Variants in THSD4 observed in about 807,000 individuals in gnomAD.
THSD4 encodes thrombospondin type-1 domain-containing protein 4.
In THSD4, 69 loss-of-function variants were observed where a neutral mutation model predicts 119.0. The ratio of observed to expected loss-of-function variants is 0.58; its 90% CI spans 0.48 to 0.71. The LOEUF (loss-of-function observed/expected upper bound fraction) is 0.71. Ranked by LOEUF, THSD4 falls within the 30% of genes least tolerant of loss-of-function variation. The pLI is 0.00. For missense variants in THSD4, 1,393 were observed against 1,391.1 expected (o/e 1.00, Z -0.02); for synonymous variants, 524 against 540.4 (o/e 0.97, Z 0.42).
At chr15:71,123,756 A>G (rs1229951630) in intron 1 of THSD4, among the ~76,000 whole-genome samples, 2 of 152,216 alleles carry the variant, frequency 1.3e-5, no homozygotes, top group Non-Finnish European at 2.9e-5. Flanking sequence ...GGGAGAGGGA[A>G]GAGGGAGAAA....
At chr15:71,681,208 C>T (rs549420810) in intron 8 of THSD4, among the ~76,000 whole-genome samples, 2 of 152,048 alleles carry the variant, frequency 1.3e-5, no homozygotes, top group East Asian at 3.9e-4. Flanking sequence ...AGCCACTGCT[C>T]CCGGCCCTAC....
chr15:71,535,474 T>G (rs77110678), intron 7 of THSD4, among the ~76,000 whole-genome samples: 6,769 of 152,298 alleles, frequency 0.044, 213 homozygotes, highest in Middle Eastern at 0.095. Context: ...TCATTTCTCT[T>G]AGGTATATAT....
chr15:71,424,771 T>G (rs1456472984), intron 7 of THSD4, among the ~76,000 whole-genome samples: 1 of 152,182 alleles, frequency 6.6e-6, no homozygotes, highest in African/African-American at 2.4e-5. Flanking sequence ...TTAAACTCTG[T>G]TTTTAAGTGT....
chr15:71,267,304 A>G (rs555432485), intron 6 of THSD4, among the ~76,000 whole-genome samples: 1 of 152,382 alleles, frequency 6.6e-6, no homozygotes, highest in East Asian at 1.9e-4. Flanking sequence ...GGCAGCCAAT[A>G]TTCAACATTC....
At chr15:71,530,954 T>C (rs1229713609) in intron 7 of THSD4, among the ~76,000 whole-genome samples, 4 of 132,478 alleles carry the variant, frequency 3.0e-5, no homozygotes, top group Middle Eastern at 7.2e-3. Context: ...GCGGGGGCAT[T>C]GACGGGGATA....
intron 7 of THSD4, among the ~76,000 whole-genome samples, chr15:71,514,174 A>G (rs2048321686): frequency 6.6e-6 from 1 of 152,216 alleles, no homozygotes; most frequent in Non-Finnish European, 1.5e-5. Context: ...AGGAAGAACG[A>G]GGCACAGCAG....
At chr15:71,739,046 G>T (rs903720143) in intron 11 of THSD4, among the ~76,000 whole-genome samples, 7 of 147,900 alleles carry the variant, frequency 4.7e-5, no homozygotes, top group African/African-American at 1.7e-4. Context: ...CAGGGTTGTG[G>T]AAGACTTACA....
rs1325439606 is a variant in THSD4 at position 71,418,716 on chromosome 15, A to AT, written c.1152+6900dup. 3.7e-5 allele frequency among the ~76,000 whole-genome samples: 4 copies of AT among 108,140 alleles called. 2 individuals are homozygous for AT. The highest frequency in any genetic ancestry group is 1.2e-4 in the African/African-American group (4 of 32,002). The allele number at this position is 108,140 out of a possible 152,430, so 70.9% of individuals were successfully genotyped here. ...ATTTGGAAGTATTCCCTCCTCCTTT[A>AT]TTTTTTTAGAATAGTTTGAATAGGA... On this transcript the variant is annotated intron_variant, in intron 7 of 17. Coordinates refer to ENST00000261862, the MANE Select transcript of THSD4 (RefSeq NM_024817.3).
rs555053405 is a variant in THSD4 at position 71,672,882 on chromosome 15, C to T, written c.1357+12148C>T. 9.3e-4 allele frequency among the ~76,000 whole-genome samples: 142 copies of T among 152,260 alleles called. 1 individual carries two copies. The highest frequency in any genetic ancestry group is 3.3e-3 in the African/African-American group (136 of 41,540). On this transcript the variant is annotated intron_variant, in intron 8 of 17. Transcript: ENST00000261862. The stretch of plus-strand genomic sequence containing the variant: ...AAGCTTTTTGATGTGTTGCTGGATT[C>T]GGTTTGCAAGTATTTTATTGAGGAT...
At chr15:71,257,248 G>A (rs761688528) in intron 6 of THSD4, among the ~76,000 whole-genome samples, 2 of 152,178 alleles carry the variant, frequency 1.3e-5, no homozygotes, top group Non-Finnish European at 2.9e-5. Flanking sequence ...AGAGTTGGTA[G>A]AGCAAGTTGA....
At chr15:71,541,979 A>G (rs1160995268) in intron 7 of THSD4, among the ~76,000 whole-genome samples, 2 of 152,248 alleles carry the variant, frequency 1.3e-5, no homozygotes, top group Non-Finnish European at 2.9e-5. Context: ...ACAGTCTTGT[A>G]ATTGTCATAT....
intron 6 of THSD4, among the ~76,000 whole-genome samples, chr15:71,286,457 C>T (rs1208181121): frequency 6.6e-6 from 1 of 152,174 alleles, no homozygotes; most frequent in African/African-American, 2.4e-5. Flanking sequence ...TGGCCTGCAG[C>T]TCCATCCATG....
chr15:71,561,131 C>T (rs1213349133), intron 7 of THSD4, among the ~76,000 whole-genome samples: 4 of 152,052 alleles, frequency 2.6e-5, no homozygotes, highest in Admixed American at 1.3e-4. Flanking sequence ...CCTGCCACCA[C>T]ACCCGGCTCA....
chr15:71,340,510 C>G (rs1001843130), intron 6 of THSD4, among the ~76,000 whole-genome samples: 2 of 152,044 alleles, frequency 1.3e-5, no homozygotes, highest in Non-Finnish European at 2.9e-5. Flanking sequence ...TGGGAGCTTG[C>G]GCACCCTCTG....
intron 10 of THSD4, among the ~76,000 whole-genome samples, chr15:71,735,955 GCTGT>G (rs1047321516): frequency 5.2e-4 from 46 of 88,556 alleles, no homozygotes; most frequent in Admixed American, 1.2e-3. Context: ...TGTCTCTCTT[GCTGT>G]CTGTCTCTCT....
In THSD4 at chr15:71,485,172, C is replaced by T. The variant is rs182997729; in HGVS notation, c.1152+73349C>T. Reference sequence around the variant, plus strand: ...TAATGCTGATGGCTTTTTCTAGGCCCCACTGGCTCCACATCTGTATATGTA... The same window carrying T: ...TAATGCTGATGGCTTTTTCTAGGCCTCACTGGCTCCACATCTGTATATGTA... On this transcript the variant is annotated intron_variant, in intron 7 of 17. Transcript: ENST00000261862. Among the ~76,000 whole-genome samples the T allele has an allele frequency of 2.7e-3, 407 of 152,266 alleles. 3 individuals carry two copies. Among genetic ancestry groups the T allele is most frequent in the South Asian group, 4.6e-3 (22 of 4,822 alleles).
At chr15:71,475,621 A>T (rs1020628148) in intron 7 of THSD4, among the ~76,000 whole-genome samples, 1 of 152,166 alleles carries the variant, frequency 6.6e-6, no homozygotes, top group Non-Finnish European at 1.5e-5. Flanking sequence ...GGTGTTAGGG[A>T]GTAAGCATAA....
At chr15:71,735,676 C>T (rs1456546660) in intron 10 of THSD4, among the ~76,000 whole-genome samples, 1 of 150,972 alleles carries the variant, frequency 6.6e-6, no homozygotes, top group East Asian at 2.0e-4. Flanking sequence ...TTCTCTGTCT[C>T]TCTCACTTTC....
intron 6 of THSD4, among the ~76,000 whole-genome samples, chr15:71,379,563 A>G (rs2046200785): frequency 7.2e-6 from 1 of 139,842 alleles, no homozygotes; most frequent in South Asian, 2.2e-4. Context: ...GGTTCACGCC[A>G]TTCTCCTGCC....
Sources: allele counts gnomAD v4.1 joint callset (sites outside exome capture counted in the v4.1 genomes callset), GRCh38; gene constraint gnomAD v4.1.1; transcripts MANE v1.5; gene names NCBI Gene and HGNC (gene_info 2026-07-23, HGNC 2026-07-21).